Variants in AFMID observed in about 807,000 individuals in gnomAD.
AFMID encodes the protein arylformamidase.
In AFMID, 39 loss-of-function variants were observed where a neutral mutation model predicts 47.5. The ratio of observed to expected loss-of-function variants is 0.82; its 90% CI spans 0.64 to 1.07. AFMID has a LOEUF of 1.07. Among genes scored for constraint, AFMID ranks in the 50% least tolerant of loss-of-function variants. AFMID has a pLI of 0.00. For missense variants in AFMID, 375 were observed against 387.5 expected, an observed-to-expected ratio of 0.97 and a Z score of 0.27; for synonymous variants, 130 against 153.2, an observed-to-expected ratio of 0.85 and a Z score of 1.12.
Position 78,202,518 on chromosome 17 carries a change from C to A in AFMID, c.174C>A (p.Ala58=). The A allele has an allele frequency of 6.2e-7, 1 of 1,614,108 alleles. No homozygotes were observed. The highest frequency in any genetic ancestry group is 8.5e-7 in the Non-Finnish European group (1 of 1,180,020). The part of the protein sequence containing the change: ...IGIEATTRAR[A]TRKSLLHVPY... ...AGACAGCCACCACAAGGGCCCGGGCCACCAGGAAGAGCCTGCTGCATGTCC... is the reference window on the plus strand; with the variant it reads ...AGACAGCCACCACAAGGGCCCGGGCAACCAGGAAGAGCCTGCTGCATGTCC... Residue 58 remains alanine (A), a synonymous_variant, in exon 3 of 11, where the codon GCC becomes GCA. Transcript: ENST00000409257.
rs1484754790 is a variant in AFMID at position 78,204,736 on chromosome 17, C to G, written c.389C>G (p.Pro130Arg). ...AVVIVAYGIA[P>R]KGTLDHMVDQ... ...GTAATAGTGGCTTACGGCATCGCCCCCAAAGGTAATAGGAGTGGTTGCTGC... is the reference window on the plus strand; with the variant it reads ...GTAATAGTGGCTTACGGCATCGCCCGCAAAGGTAATAGGAGTGGTTGCTGC... Residue 130 changes from proline to arginine, a missense_variant, in exon 5 of 11, where the codon CCC becomes CGC. Physicochemically the swap from Pro to Arg is moderately radical, Grantham distance 103. Transcript: ENST00000409257. The G allele has an allele frequency of 1.9e-6, 3 of 1,614,146 alleles. No individual in the cohort carries two copies. The Admixed American group carries it at 5.0e-5, about 27-fold the overall frequency.
At chr17:78,194,214 C>T (rs1296683822) in intron 2 of AFMID, among the ~76,000 whole-genome samples, 1 of 151,488 alleles carries the variant, frequency 6.6e-6, no homozygotes, top group Non-Finnish European at 1.5e-5. Context: ...GGGTTCAAGC[C>T]ATTCTTGTGT....
chr17:78,205,896 AC>A, intron 9 of AFMID, 49 bp from the exon 10 acceptor site: 1 of 1,596,818 alleles, frequency 6.3e-7, no homozygotes, highest in Non-Finnish European at 8.6e-7. Flanking sequence ...GTCCTGCCCC[AC>A]CTCCCCTCCC....
At chr17:78,200,833 T>C (rs1295733676) in intron 2 of AFMID, among the ~76,000 whole-genome samples, 1 of 152,186 alleles carries the variant, frequency 6.6e-6, no homozygotes, top group Non-Finnish European at 1.5e-5. Context: ...AAATGCAATA[T>C]TTATTTTCAG....
chr17:78,204,910 G>A lies in AFMID; in HGVS notation c.467+10G>A, dbSNP rs1034584316. Reference sequence around the variant, plus strand: ...GGTATCCAAGCAACAAGTGGGTGTTGCCAGTAGATTTTCTTCCTGTTGGAC... The same window carrying A: ...GGTATCCAAGCAACAAGTGGGTGTTACCAGTAGATTTTCTTCCTGTTGGAC... On this transcript the variant is annotated intron_variant, in intron 6 of 10. Coordinates refer to ENST00000409257, the MANE Select transcript of AFMID (RefSeq NM_001010982.5). 11 of 1,614,092 alleles carry A rather than the reference G, an allele frequency of 6.8e-6. No homozygotes were observed. Among genetic ancestry groups the A allele is most frequent in the Non-Finnish European group, 9.3e-6 (11 of 1,180,042 alleles).
At position 78,205,699 on chromosome 17, in the gene AFMID, C is replaced by G. The variant is rs2076362156; in HGVS notation, c.741C>G (p.Asp247Glu). The G allele has an allele frequency of 1.9e-6, 3 of 1,612,126 alleles. No homozygotes were observed. The highest frequency in any genetic ancestry group is 3.3e-5 in the Admixed American group (2 of 60,016). ...TGCTGGTGGTCGTGGGCCAGTTCGA[C>G]TCCCCCGAATTCCACCGACAGTCCT... The part of the protein sequence containing the change: ...CRVLVVVGQF[D>E]SPEFHRQSWE... The change falls in exon 9 of 11, where the codon GAC becomes GAG. Residue 247 changes from aspartate (D) to glutamate (E), a missense_variant. By Grantham distance (45) the Asp-to-Glu change is conservative. Coordinates refer to ENST00000409257, the MANE Select transcript of AFMID (RefSeq NM_001010982.5).
intron 10 of AFMID, 50 bp from the exon 11 acceptor site, chr17:78,206,861 A>G (rs375820209): frequency 7.5e-6 from 12 of 1,605,956 alleles, no homozygotes; most frequent in Non-Finnish European, 1.0e-5. Context: ...AAATTCCTGC[A>G]AAGAGCTGCT....
Position 78,205,732 on chromosome 17 carries a change from T to C in AFMID, c.774T>C (p.Phe258=). 1 of 1,609,334 alleles carries C rather than the reference T, an allele frequency of 6.2e-7. No individual in the cohort carries two copies. The highest frequency in any genetic ancestry group is 8.5e-7 in the Non-Finnish European group (1 of 1,179,992). Residue 258 remains phenylalanine, a synonymous_variant, in exon 9 of 11, where the codon TTT becomes TTC. Coordinates refer to ENST00000409257, the MANE Select transcript of AFMID (RefSeq NM_001010982.5). ...AATTCCACCGACAGTCCTGGGAGTT[T>C]TACCAGGTACTCCCAGTGCAGGTTT... ...SPEFHRQSWE[F]YQTLCQGEWK...
intron 2 of AFMID, among the ~76,000 whole-genome samples, chr17:78,192,966 T>C (rs1418839452): frequency 6.6e-6 from 1 of 152,170 alleles, no homozygotes; most frequent in Non-Finnish European, 1.5e-5. Context: ...CCTGTCTCAA[T>C]AGATTGGGGG....
intron 2 of AFMID, among the ~76,000 whole-genome samples, chr17:78,202,044 C>T (rs2076257898): frequency 6.6e-6 from 1 of 151,696 alleles, no homozygotes; most frequent in Non-Finnish European, 1.5e-5. Flanking sequence ...AGTCCTCTTT[C>T]GATGGGAGGT....
rs769765252 is a variant in AFMID, at chr17:78,191,067, G to C, written c.154+7G>C. The stretch of plus-strand genomic sequence containing the variant: ...TCACAGATAGGAATTGAAGGTACTA[G>C]TGTGACCTCTCCGTGGCCGCATTGG... On this transcript the variant is annotated splice_region_variant and intron_variant, in intron 2 of 10. Transcript: ENST00000409257. 1 of 1,613,030 alleles carries C rather than the reference G, an allele frequency of 6.2e-7. No individual in the cohort carries two copies. Among genetic ancestry groups the C allele is most frequent in the African/African-American group, 1.3e-5 (1 of 74,904 alleles).
In AFMID at chr17:78,202,824, T is replaced by C. The variant is rs796580681; in HGVS notation, c.308+73T>C. 25 of 1,519,254 alleles carry C rather than the reference T, an allele frequency of 1.6e-5. No homozygotes were observed. The African/African-American group carries it at 2.2e-4, about 13-fold the overall frequency. The allele number at this position is 1,519,254 out of a possible 1,614,324, so 94.1% of individuals were successfully genotyped here. A position where few individuals can be genotyped will look rare whatever the true frequency, so the allele number is the denominator to read the frequency against. On this transcript the variant is annotated intron_variant, in intron 4 of 10. Transcript: ENST00000409257. ...CCCTGGGGGACTCCTCCTCCAGGGC[T>C]GCCGCAACCAAACTGCCACAAGCTG...
At chr17:78,203,406 G>A (rs2076300407) in intron 4 of AFMID, 1 of 148,710 alleles carries the variant, frequency 6.7e-6, no homozygotes, top group African/African-American at 2.5e-5. Context: ...CACAGGTTCT[G>A]GGGTTAGGAT....
intron 2 of AFMID, among the ~76,000 whole-genome samples, chr17:78,201,665 G>A (rs2076245485): frequency 6.6e-6 from 1 of 152,110 alleles, no homozygotes; most frequent in East Asian, 1.9e-4. Context: ...TAATAAGTGT[G>A]TAGTAAAGTC....
At chr17:78,201,293 C>T (rs74685051) in intron 2 of AFMID, among the ~76,000 whole-genome samples, 1 of 117,970 alleles carries the variant, frequency 8.5e-6, no homozygotes, top group Non-Finnish European at 1.8e-5. Flanking sequence ...GACTCCGTCG[C>T]AAAAAAAAAA....
Position 78,206,027 on chromosome 17 carries a change from C to G in AFMID, c.862C>G (p.Gln288Glu). The G allele has an allele frequency of 6.2e-7, 1 of 1,614,124 alleles. No homozygotes were observed. Among genetic ancestry groups the G allele is most frequent in the Non-Finnish European group, 8.5e-7 (1 of 1,180,034 alleles). Reference sequence around the variant, plus strand: ...CTTTGAAATTGTTGAGAATCTGACCCAGAAGGACAACGTGCTCACCCAGGT... The same window carrying G: ...CTTTGAAATTGTTGAGAATCTGACCGAGAAGGACAACGTGCTCACCCAGGT... The part of the protein sequence containing the change: ...DHFEIVENLT[Q>E]KDNVLTQIIL... Residue 288 changes from glutamine (Q) to glutamate (E), a missense_variant, in exon 10 of 11, where the codon CAG becomes GAG. Coordinates refer to ENST00000409257, the MANE Select transcript of AFMID (RefSeq NM_001010982.5).
chr17:78,202,623 G>A lies in AFMID; in HGVS notation c.259+20G>A, dbSNP rs113668382. 1 of 1,605,184 alleles carries A rather than the reference G, an allele frequency of 6.2e-7. No homozygotes were observed. The highest frequency in any genetic ancestry group is 1.7e-5 in the Admixed American group (1 of 58,604). On this transcript the variant is annotated intron_variant, in intron 3 of 10. Transcript: ENST00000409257. Reference sequence around the variant, plus strand: ...CTGAAGGTTGTCGGTGAAGGGGCTGGGGGTCCCGGGGCTTGGGGGTCCAGT... The same window carrying A: ...CTGAAGGTTGTCGGTGAAGGGGCTGAGGGTCCCGGGGCTTGGGGGTCCAGT...
chr17:78,206,113 A>G, intron 10 of AFMID, 63 bp downstream of exon 10: 1 of 1,435,886 alleles, frequency 7.0e-7, no homozygotes. Context: ...GCAGCCCCTT[A>G]GATGTGCAAA....
intron 2 of AFMID, among the ~76,000 whole-genome samples, chr17:78,192,072 C>G (rs984586649): frequency 6.6e-6 from 1 of 151,878 alleles, no homozygotes; most frequent in Non-Finnish European, 1.5e-5. Context: ...GATCTCGACT[C>G]ACCGCTAACT....
Sources: gnomAD v4.1 joint callset for allele counts (sites outside exome capture counted in the v4.1 genomes callset) on GRCh38, gnomAD v4.1.1 for gene constraint, MANE v1.5 for transcripts, NCBI Gene and HGNC (gene_info 2026-07-23, HGNC 2026-07-21) for gene names.